The following SNTB2 variants were observed in gnomAD, a reference collection of about 807,000 sequenced individuals.
SNTB2 encodes the protein beta-2-syntrophin.
Under a neutral mutation model 46.2 loss-of-function variants are expected in SNTB2, and 34 were observed. The ratio of observed to expected loss-of-function variants is 0.74; its 90% CI spans 0.56 to 0.98. SNTB2 has a LOEUF of 0.98. SNTB2 is among the 50% of genes least tolerant of loss of function. The probability of loss-of-function intolerance (pLI) is 0.00; values close to 1 mark genes in which losing one functional copy is unlikely to be tolerated. For missense variants in SNTB2, 603 were observed against 731.4 expected (o/e 0.82, Z 2.02); for synonymous variants, 290 against 312.6 (o/e 0.93, Z 0.76).
At chr16:69,236,375 ATCAGT>A (rs143438526) in intron 1 of SNTB2, among the ~76,000 whole-genome samples, 3,737 of 152,178 alleles carry the variant, frequency 0.025, 156 homozygotes, top group African/African-American at 0.085. Context: ...GGGCAAGGAG[ATCAGT>A]TAAGAGGCCA....
chr16:69,300,956 T>A lies in SNTB2; in HGVS notation c.*32T>A. ...AAAAATCAGAAAAGAGCCTTGACTG[T>A]CACAAGAAATATTTCCACCTCAAAA... On this transcript the variant is annotated 3_prime_UTR_variant, in exon 7 of 7. Coordinates refer to ENST00000336278, the MANE Select transcript of SNTB2 (RefSeq NM_006750.4). The A allele has an allele frequency of 7.4e-7, 1 of 1,343,764 alleles. No homozygotes were observed. The highest frequency in any genetic ancestry group is 1.1e-6 in the Non-Finnish European group (1 of 943,788). 83.2% of individuals were successfully genotyped at this position (1,343,764 alleles called of 1,614,324 possible).
chr16:69,278,452 G>A (rs566548885), intron 4 of SNTB2, among the ~76,000 whole-genome samples: 124 of 149,268 alleles, frequency 8.3e-4, no homozygotes, highest in African/African-American at 3.0e-3. Context: ...ACTTTTTTTT[G>A]TAGGGTTTTT....
At chr16:69,280,931 G>A (rs1188382603) in intron 4 of SNTB2, among the ~76,000 whole-genome samples, 1 of 151,872 alleles carries the variant, frequency 6.6e-6, no homozygotes, top group African/African-American at 2.4e-5. Flanking sequence ...GCGAGTAGCT[G>A]GGACTACAGG....
At chr16:69,216,693 CA>C (rs892260991) in intron 1 of SNTB2, among the ~76,000 whole-genome samples, 27 of 149,462 alleles carry the variant, frequency 1.8e-4, no homozygotes, top group South Asian at 4.3e-4. Context: ...GCCCCCCCCC[CA>C]AAAAAAAATA....
intron 5 of SNTB2, among the ~76,000 whole-genome samples, chr16:69,291,539 C>G (rs1965159091): frequency 6.6e-6 from 1 of 151,944 alleles, no homozygotes; most frequent in South Asian, 2.1e-4. Flanking sequence ...AGCAAGACCC[C>G]CCATCTCTAT....
chr16:69,245,576 T>A (rs1364693977), intron 1 of SNTB2, 26 bp from the exon 2 acceptor site: 2 of 1,607,172 alleles, frequency 1.2e-6, no homozygotes, highest in African/African-American at 2.7e-5. Flanking sequence ...ATTACTAACC[T>A]TCTTCTTTGA....
At chr16:69,188,767 A>G (rs138098725) in intron 1 of SNTB2, among the ~76,000 whole-genome samples, 19 of 152,366 alleles carry the variant, frequency 1.2e-4, no homozygotes, top group African/African-American at 4.1e-4. Context: ...GAGAAATGAT[A>G]GAAAAATGCA....
chr16:69,280,189 G>C (rs561445333), intron 4 of SNTB2, among the ~76,000 whole-genome samples: 93 of 152,302 alleles, frequency 6.1e-4, no homozygotes, highest in Non-Finnish European at 8.5e-4. Flanking sequence ...TAAGGTCACC[G>C]ATCAACAGGA....
chr16:69,192,021 G>A lies in SNTB2; in HGVS notation c.580+4275G>A, dbSNP rs575514467. On this transcript the variant is annotated intron_variant, in intron 1 of 6. Transcript: ENST00000336278. ...GCCCAACCAACAGAAAGAGTGAGAG[G>A]TTGAAGAGATAGAAGAGGTGGGAAA... is the stretch of plus-strand genomic sequence containing the variant. 4.6e-5 allele frequency among the ~76,000 whole-genome samples: 7 copies of A among 152,318 alleles called. No individual in the cohort carries two copies. The South Asian group carries it at 1.4e-3, about 32-fold the overall frequency.
chr16:69,191,952 T>C (rs947065883), intron 1 of SNTB2, among the ~76,000 whole-genome samples: 5 of 152,154 alleles, frequency 3.3e-5, no homozygotes, highest in African/African-American at 9.7e-5. Context: ...TGTTTTGTTT[T>C]AAATGGGAAA....
Position 69,207,493 on chromosome 16 carries a change from A to G in SNTB2, c.580+19747A>G, listed in dbSNP as rs539908961. On this transcript the variant is annotated intron_variant, in intron 1 of 6. Transcript: ENST00000336278. ...TTTTTCAAAATCAAAATTTGATTTT[A>G]TCTTACATTTTATGTTGACCAATTA... Among the ~76,000 whole-genome samples the G allele has an allele frequency of 5.3e-5, 8 of 152,358 alleles. No homozygotes were observed. The South Asian group carries it at 1.2e-3, about 24-fold the overall frequency.
intron 2 of SNTB2, 120 bp from the exon 3 acceptor site, chr16:69,259,930 G>T: frequency 1.2e-6 from 1 of 807,140 alleles, no homozygotes; most frequent in Non-Finnish European, 2.1e-6. Context: ...CTTTATTTGA[G>T]TATACAAATT....
rs1965176669 is a variant in SNTB2 at position 69,292,403 on chromosome 16, TATATTATATATATA to T, written c.1346-7186_1346-7173del. Among the ~76,000 whole-genome samples the T allele has an allele frequency of 1.5e-4, 4 of 27,378 alleles. 1 individual carries two copies. The highest frequency in any genetic ancestry group is 3.6e-4 in the African/African-American group (1 of 2,792). The allele number at this position is 27,378 out of a possible 152,430, so 18.0% of individuals were successfully genotyped here. On this transcript the variant is annotated intron_variant, in intron 5 of 6. Transcript: ENST00000336278. ...ATTATATATATATTATATATATATA[TATATTATATATATA>T]TTATATATATATATATATTATATAT...
chr16:69,232,719 CCA>C (rs1964520351), intron 1 of SNTB2, among the ~76,000 whole-genome samples: 1 of 151,584 alleles, frequency 6.6e-6, no homozygotes, highest in African/African-American at 2.4e-5. Flanking sequence ...ACCATGTTGG[CCA>C]GGATGGTCTC....
At chr16:69,248,968 C>T (rs1597186429) in intron 2 of SNTB2, among the ~76,000 whole-genome samples, 1 of 146,240 alleles carries the variant, frequency 6.8e-6, no homozygotes, top group Non-Finnish European at 1.5e-5. Flanking sequence ...CATTTGTCAA[C>T]TAGCTGTCAG....
intron 1 of SNTB2, among the ~76,000 whole-genome samples, chr16:69,239,017 T>TA (rs1964584549): frequency 6.6e-6 from 1 of 152,192 alleles, no homozygotes; most frequent in South Asian, 2.1e-4. Flanking sequence ...CCCCATTTAC[T>TA]ACTCTGTCCC....
At chr16:69,207,146 C>CT (rs746134829) in intron 1 of SNTB2, among the ~76,000 whole-genome samples, 14 of 131,666 alleles carry the variant, frequency 1.1e-4, no homozygotes, top group African/African-American at 4.0e-4. Flanking sequence ...CTTTTCTTTT[C>CT]TTTCTTTCTT....
intron 1 of SNTB2, among the ~76,000 whole-genome samples, chr16:69,201,974 G>A (rs1266645725): frequency 2.0e-5 from 3 of 152,126 alleles, no homozygotes; most frequent in Middle Eastern, 6.3e-3. Context: ...AGCAACACAA[G>A]CTGATAGGGC....
At chr16:69,203,824 A>G (rs1008989817) in intron 1 of SNTB2, among the ~76,000 whole-genome samples, 1 of 151,576 alleles carries the variant, frequency 6.6e-6, no homozygotes, top group Non-Finnish European at 1.5e-5. Context: ...CTGGAGTGCA[A>G]TGGCACGATC....
Sources: gnomAD v4.1 joint callset for allele counts (sites outside exome capture counted in the v4.1 genomes callset) on GRCh38, gnomAD v4.1.1 for gene constraint, MANE v1.5 for transcripts, NCBI Gene and HGNC (gene_info 2026-07-23, HGNC 2026-07-21) for gene names.